Variants in BIRC7 observed in about 807,000 individuals in gnomAD.
BIRC7 encodes baculoviral IAP repeat containing 7.
Under a neutral mutation model 33.2 loss-of-function variants are expected in BIRC7, and 26 were observed. That is an observed-to-expected ratio of 0.78 (90% CI 0.57 to 1.09). BIRC7 has a LOEUF of 1.09. Among genes scored for constraint, BIRC7 ranks in the 50% least tolerant of loss-of-function variants. The pLI is 0.00. For synonymous variants in BIRC7, 176 were observed against 171.0 expected (o/e 1.03, Z -0.23); for missense variants, 409 against 401.2 (o/e 1.02, Z -0.17).
Position 63,236,393 on chromosome 20 carries a change from G to A in BIRC7, c.297G>A (p.Leu99=). The change falls in exon 1 of 7, where the codon CTG becomes CTA. Residue 99 remains leucine, a synonymous_variant. Transcript: ENST00000217169. ...TGGCCTCCTTCTATGACTGGCCGCT[G>A]ACTGCTGAGGTGCCACCCGAGCTGC... is the stretch of plus-strand genomic sequence containing the variant. The part of the protein sequence containing the change: ...LRLASFYDWP[L]TAEVPPELLA... 6.4e-7 allele frequency: 1 copy of A among 1,565,136 alleles called. No individual in the cohort carries two copies. Among genetic ancestry groups the A allele is most frequent in the Non-Finnish European group, 8.7e-7 (1 of 1,151,998 alleles).
In BIRC7 at chr20:63,236,444, A is replaced by G; in HGVS notation, c.348A>G (p.Thr116=). The change falls in exon 1 of 7, where the codon ACA becomes ACG. Residue 116 remains threonine (T), a splice_region_variant and synonymous_variant. Transcript: ENST00000217169. ...TGGCTGCTGCCGGCTTCTTCCACACAGGTCAGTCCCGGGCGGGGGGGCCTT... is the reference window on the plus strand; with the variant it reads ...TGGCTGCTGCCGGCTTCTTCCACACGGGTCAGTCCCGGGCGGGGGGGCCTT... The part of the protein sequence containing the change: ...ELLAAAGFFH[T]GHQDKVRCFF... 11 of 1,526,426 alleles carry G rather than the reference A, an allele frequency of 7.2e-6. No homozygotes were observed. Among genetic ancestry groups the G allele is most frequent in the Middle Eastern group, 2.4e-4 (1 of 4,108 alleles). 94.6% of individuals were successfully genotyped at this position (1,526,426 alleles called of 1,614,324 possible).
chr20:63,237,566 G>A (rs988131669), intron 1 of BIRC7, among the ~76,000 whole-genome samples: 6 of 152,084 alleles, frequency 3.9e-5, no homozygotes, highest in Admixed American at 1.3e-4. Flanking sequence ...CCTGGGGAGG[G>A]GCCCTTCTGG....
Position 63,239,458 on chromosome 20 carries a change from G to A in BIRC7, c.750G>A (p.Arg250=), listed in dbSNP as rs1254733755. 1.9e-6 allele frequency: 3 copies of A among 1,606,768 alleles called. No homozygotes were observed. Among genetic ancestry groups the A allele is most frequent in the East Asian group, 2.2e-5 (1 of 44,890 alleles). Residue 250 remains arginine (R), a synonymous_variant, in exon 6 of 7, where the codon AGG becomes AGA. Transcript: ENST00000217169. Reference sequence around the variant, plus strand: ...AGCTGCGGCGGCTGCAGGAGGAGAGGACGTGCAAGGTGTGCCTGGACCGCG... The same window carrying A: ...AGCTGCGGCGGCTGCAGGAGGAGAGAACGTGCAAGGTGTGCCTGGACCGCG... ...EAQLRRLQEE[R]TCKVCLDRAV... is the part of the protein sequence containing the mutation.
Position 63,238,400 on chromosome 20 carries a change from C to G in BIRC7, c.454C>G (p.Gln152Glu), listed in dbSNP as rs1601256257. ...ACATCTCTGGGGCATCTGCAGCTGT[C>G]AGTTCCTGCTCCGGTCAAAAGGAAG... ...TEHAKWFPSC[Q>E]FLLRSKGRDF... Residue 152 changes from glutamine to glutamate, a missense_variant, in exon 3 of 7, where the codon CAG (glutamine) becomes GAG (glutamate). By Grantham distance (29) the Gln-to-Glu change is conservative. Transcript: ENST00000217169. 2 of 1,611,752 alleles carry G rather than the reference C, an allele frequency of 1.2e-6. No homozygotes were observed. The highest frequency in any genetic ancestry group is 1.3e-5 in the African/African-American group (1 of 75,066).
Position 63,239,198 on chromosome 20 carries a change from G to T in BIRC7, c.614G>T (p.Arg205Met). ...GGGTACCCTGAGCTGCCCACACCCA[G>T]GAGAGAGGTCCAGTCTGAAAGTGCC... ...ASGYPELPTP[R>M]REVQSESAQE... The change falls in exon 5 of 7, where the codon AGG (arginine) becomes ATG (methionine). Residue 205 changes from arginine (R) to methionine (M), a missense_variant. Physicochemically the swap from Arg to Met is moderately conservative, Grantham distance 91 (BLOSUM62 -1). Coordinates refer to ENST00000217169, the MANE Select transcript of BIRC7 (RefSeq NM_139317.3). 3 of 1,612,882 alleles carry T rather than the reference G, an allele frequency of 1.9e-6. No homozygotes were observed. Among genetic ancestry groups the T allele is most frequent in the Non-Finnish European group, 1.7e-6 (2 of 1,179,986 alleles).
Position 63,236,451 on chromosome 20 carries a change from T to C in BIRC7, c.349+6T>C, listed in dbSNP as rs768831128. 6.6e-6 allele frequency: 10 copies of C among 1,515,602 alleles called. No individual in the cohort carries two copies. The Admixed American group carries it at 1.9e-4, about 29-fold the overall frequency. 93.9% of individuals were successfully genotyped at this position (1,515,602 alleles called of 1,614,324 possible). On this transcript the variant is annotated splice_donor_region_variant and intron_variant, in intron 1 of 6. Coordinates refer to ENST00000217169, the MANE Select transcript of BIRC7 (RefSeq NM_139317.3). ...TGCCGGCTTCTTCCACACAGGTCAG[T>C]CCCGGGCGGGGGGGCCTTCCTGCCG...
chr20:63,236,670 G>A (rs1376790893), intron 1 of BIRC7, among the ~76,000 whole-genome samples: 7 of 152,220 alleles, frequency 4.6e-5, no homozygotes, highest in African/African-American at 1.7e-4. Flanking sequence ...TGGGATGTGA[G>A]GAGGGGCTGC....
At chr20:63,239,639 G>A (rs1472291554) in intron 6 of BIRC7, 29 bp downstream of exon 6, 4 of 1,567,230 alleles carry the variant, frequency 2.6e-6, no homozygotes, top group Middle Eastern at 2.3e-4. Flanking sequence ...CGCGCAGCCA[G>A]CCCTCCTGCG....
rs114341748 is a variant in BIRC7 at position 63,240,076 on chromosome 20, G to C, written c.*6-180G>C. On this transcript the variant is annotated intron_variant, in intron 6 of 6. Transcript: ENST00000217169. The stretch of plus-strand genomic sequence containing the variant: ...GTGGGTGGGATACCCCATACTGGCC[G>C]AGGGACAGGTGCTGTGACCGCCTCG... Among the ~76,000 whole-genome samples, 241 of 152,340 alleles carry C rather than the reference G, an allele frequency of 1.6e-3. 1 individual carries two copies. The highest frequency in any genetic ancestry group is 5.7e-3 in the African/African-American group (235 of 41,586).
At chr20:63,238,185 C>G in intron 2 of BIRC7, 183 bp downstream of exon 2, 1 of 845,692 alleles carries the variant, frequency 1.2e-6, no homozygotes, top group South Asian at 1.6e-5. Flanking sequence ...GGCCCCTTTT[C>G]GGAAGGGCTG....
rs770943952 is a variant in BIRC7 at position 63,236,443 on chromosome 20, C to G, written c.347C>G (p.Thr116Arg). Residue 116 changes from threonine to arginine, a missense_variant and splice_region_variant, in exon 1 of 7, where the codon ACA becomes AGA. Coordinates refer to ENST00000217169, the MANE Select transcript of BIRC7 (RefSeq NM_139317.3). The part of the protein sequence containing the change: ...ELLAAAGFFH[T>R]GHQDKVRCFF... Reference sequence around the variant, plus strand: ...CTGGCTGCTGCCGGCTTCTTCCACACAGGTCAGTCCCGGGCGGGGGGGCCT... The same window carrying G: ...CTGGCTGCTGCCGGCTTCTTCCACAGAGGTCAGTCCCGGGCGGGGGGGCCT... The G allele has an allele frequency of 2.0e-6, 3 of 1,527,226 alleles. 1 individual carries two copies. Among genetic ancestry groups the G allele is most frequent in the South Asian group, 2.5e-5 (2 of 78,630 alleles). 94.6% of individuals were successfully genotyped at this position (1,527,226 alleles called of 1,614,324 possible).
At position 63,239,351 on chromosome 20, in the gene BIRC7, C is replaced by T. The variant is rs1474770040; in HGVS notation, c.650-7C>T. 6.2e-7 allele frequency: 1 copy of T among 1,602,614 alleles called. No homozygotes were observed. The highest frequency in any genetic ancestry group is 2.2e-5 in the East Asian group (1 of 44,866). On this transcript the variant is annotated splice_region_variant and splice_polypyrimidine_tract_variant and intron_variant, in intron 5 of 6. Coordinates refer to ENST00000217169, the MANE Select transcript of BIRC7 (RefSeq NM_139317.3). Reference sequence around the variant, plus strand: ...TGTGGGGACATTTCGCAGGCCTGTCCTCCTAGGAGGGGTCAGTCCAGCCGA... The same window carrying T: ...TGTGGGGACATTTCGCAGGCCTGTCTTCCTAGGAGGGGTCAGTCCAGCCGA...
Position 63,236,091 on chromosome 20 carries a change from C to A in BIRC7, c.-6C>A. 6.5e-7 allele frequency: 1 copy of A among 1,529,606 alleles called. No homozygotes were observed. Among genetic ancestry groups the A allele is most frequent in the South Asian group, 1.2e-5 (1 of 82,822 alleles). 94.8% of individuals were successfully genotyped at this position (1,529,606 alleles called of 1,614,324 possible). ...TGCAAACCTGGTCAGAGCCAGTGTT[C>A]CCTCCATGGGACCTAAAGACAGTGC... On this transcript the variant is annotated 5_prime_UTR_variant, in exon 1 of 7. Transcript: ENST00000217169.
At chr20:63,237,346 G>A (rs1170353868) in intron 1 of BIRC7, among the ~76,000 whole-genome samples, 1 of 152,224 alleles carries the variant, frequency 6.6e-6, no homozygotes, top group Non-Finnish European at 1.5e-5. Context: ...TCCAGTGCCC[G>A]ATGCAGCCCA....
At chr20:63,238,310 C>A (rs1044199004) in intron 2 of BIRC7, 86 bp from the exon 3 acceptor site, 2 of 1,514,128 alleles carry the variant, frequency 1.3e-6, no homozygotes, top group African/African-American at 1.4e-5. Flanking sequence ...GAGGAGGGGG[C>A]CCAACCCTGA....
At position 63,239,624 on chromosome 20, in the gene BIRC7, C is replaced by T. The variant is rs1007188398; in HGVS notation, c.*5+14C>T. On this transcript the variant is annotated intron_variant, in intron 6 of 6. Coordinates refer to ENST00000217169, the MANE Select transcript of BIRC7 (RefSeq NM_139317.3). ...GTCCTAGGCCAGGTGAGCGCCCCAG[C>T]ACCACGCGCAGCCAGCCCTCCTGCG... 4 of 1,579,484 alleles carry T rather than the reference C, an allele frequency of 2.5e-6. No individual in the cohort carries two copies. The highest frequency in any genetic ancestry group is 3.4e-6 in the Non-Finnish European group (4 of 1,168,172).
intron 1 of BIRC7, among the ~76,000 whole-genome samples, chr20:63,237,052 C>A (rs1357786298): frequency 1.3e-5 from 2 of 152,286 alleles, no homozygotes; most frequent in Admixed American, 1.3e-4. Context: ...AGCTCTGCCA[C>A]TTCCTGGCTG....
chr20:63,236,454 CG>C lies in BIRC7; in HGVS notation c.349+12del. ...CGGCTTCTTCCACACAGGTCAGTCC[CG>C]GGCGGGGGGGCCTTCCTGCCGTGGG... On this transcript the variant is annotated intron_variant, in intron 1 of 6. Coordinates refer to ENST00000217169, the MANE Select transcript of BIRC7 (RefSeq NM_139317.3). 6.6e-7 allele frequency: 1 copy of C among 1,512,822 alleles called. No homozygotes were observed. The highest frequency in any genetic ancestry group is 8.8e-7 in the Non-Finnish European group (1 of 1,133,226). The allele number at this position is 1,512,822 out of a possible 1,614,324, so 93.7% of individuals were successfully genotyped here. A position where few individuals can be genotyped will look rare whatever the true frequency, so the allele number is the denominator to read the frequency against.
At position 63,236,310 on chromosome 20, in the gene BIRC7, G is replaced by A. The variant is rs761142703; in HGVS notation, c.214G>A (p.Gly72Arg). Residue 72 changes from glycine to arginine, a missense_variant, in exon 1 of 7, where the codon GGG becomes AGG. Physicochemically the swap from Gly to Arg is moderately radical, Grantham distance 125. Transcript: ENST00000217169. ...LTEEEEEEGA[G>R]ATLSRGPAFP... ...AGAGGAGGAAGAGGAGGAGGGCGCC[G>A]GGGCCACCTTGTCCAGGGGGCCTGC... is the stretch of plus-strand genomic sequence containing the variant. The A allele has an allele frequency of 1.5e-5, 24 of 1,609,748 alleles. No homozygotes were observed. Among genetic ancestry groups the A allele is most frequent in the East Asian group, 1.3e-4 (6 of 44,808 alleles).
Sources: gnomAD v4.1 joint callset for allele counts (sites outside exome capture counted in the v4.1 genomes callset) on GRCh38, gnomAD v4.1.1 for gene constraint, MANE v1.5 for transcripts, NCBI Gene and HGNC (gene_info 2026-07-23, HGNC 2026-07-21) for gene names.